FCRL2: variants seen among roughly 807,000 people sequenced by gnomAD.
The protein encoded by FCRL2 is Fc receptor like 2.
Under a neutral mutation model 59.8 loss-of-function variants are expected in FCRL2, and 48 were observed. That is an observed-to-expected ratio of 0.80 (90% CI 0.64 to 1.02). The LOEUF is 1.02. FCRL2 is among the 50% of genes least tolerant of loss of function. The pLI is 0.00. For synonymous variants in FCRL2, 251 were observed against 229.5 expected, an observed-to-expected ratio of 1.09 and a Z score of -0.85; for missense variants, 658 against 597.3, an observed-to-expected ratio of 1.10 and a Z score of -1.06.
chr1:157,764,431 A>G (rs1212029056), intron 7 of FCRL2, among the ~76,000 whole-genome samples: 1 of 152,224 alleles, frequency 6.6e-6, no homozygotes, highest in Non-Finnish European at 1.5e-5. Flanking sequence ...TAGTAAATCA[A>G]CAAAGAAACA....
chr1:157,751,371 A>G (rs1028104879), intron 7 of FCRL2, among the ~76,000 whole-genome samples: 5 of 152,186 alleles, frequency 3.3e-5, no homozygotes, highest in Non-Finnish European at 7.3e-5. Flanking sequence ...AGAATTTACA[A>G]TTGCAAGTTT....
intron 2 of FCRL2, among the ~76,000 whole-genome samples, chr1:157,770,918 G>A (rs574996415): frequency 2.0e-5 from 3 of 152,208 alleles, no homozygotes; most frequent in African/African-American, 7.2e-5. Flanking sequence ...AATTCTGGAC[G>A]TTGAAAGTCT....
chr1:157,768,760 G>A lies in FCRL2; in HGVS notation c.596-59C>T, dbSNP rs926774351. The A allele has an allele frequency of 5.5e-6, 8 of 1,467,876 alleles. No individual in the cohort carries two copies. In the African/African-American group the frequency reaches 1.1e-4, roughly 21 times the overall value. The allele number at this position is 1,467,876 out of a possible 1,614,324, so 90.9% of individuals were successfully genotyped here. A position where few individuals can be genotyped will look rare whatever the true frequency, so the allele number is the denominator to read the frequency against. On this transcript the variant is annotated intron_variant, in intron 4 of 11. Transcript: ENST00000361516. ...AAGGGAAACTCTGGGAACAGGGTTT[G>A]ACTGATTCCATTCTCTAATGCAAAA... is the stretch of plus-strand genomic sequence containing the variant.
At chr1:157,757,537 A>G (rs1440138025) in intron 7 of FCRL2, among the ~76,000 whole-genome samples, 1 of 152,242 alleles carries the variant, frequency 6.6e-6, no homozygotes, top group East Asian at 1.9e-4. Context: ...CTCTGCATGT[A>G]CACAAGAAGA....
intron 7 of FCRL2, among the ~76,000 whole-genome samples, chr1:157,749,957 T>C (rs538893226): frequency 6.6e-6 from 1 of 152,354 alleles, no homozygotes; most frequent in African/African-American, 2.4e-5. Flanking sequence ...TTCTATTGTC[T>C]CTTTGTCTAT....
At chr1:157,753,571 C>T (rs1319772862) in intron 7 of FCRL2, among the ~76,000 whole-genome samples, 1 of 152,178 alleles carries the variant, frequency 6.6e-6, no homozygotes, top group East Asian at 1.9e-4. Flanking sequence ...CCTCCCAGTA[C>T]ATTGATGTAT....
chr1:157,747,652 C>T (rs1266219360), intron 10 of FCRL2, among the ~76,000 whole-genome samples: 1 of 152,110 alleles, frequency 6.6e-6, no homozygotes, highest in Non-Finnish European at 1.5e-5. Context: ...TCAGAGGCAA[C>T]CAGGAGTACA....
intron 9 of FCRL2, 107 bp downstream of exon 9, chr1:157,748,768 G>A: frequency 2.5e-6 from 3 of 1,183,308 alleles, no homozygotes; most frequent in Admixed American, 1.9e-5. Flanking sequence ...GGAATGGCTG[G>A]GCCTCTGGTG....
intron 1 of FCRL2, 62 bp downstream of exon 1, chr1:157,776,981 T>G: frequency 6.6e-7 from 1 of 1,513,088 alleles, no homozygotes; most frequent in Non-Finnish European, 9.2e-7. Context: ...CCTCCAACCT[T>G]TTGGGAGCAG....
At chr1:157,759,513 A>G (rs1648863983) in intron 7 of FCRL2, among the ~76,000 whole-genome samples, 1 of 152,232 alleles carries the variant, frequency 6.6e-6, no homozygotes, top group African/African-American at 2.4e-5. Context: ...TAAACAATCT[A>G]TAGAATGGAA....
At chr1:157,771,454 G>A (rs1297711125) in intron 2 of FCRL2, among the ~76,000 whole-genome samples, 2 of 152,180 alleles carry the variant, frequency 1.3e-5, no homozygotes, top group Admixed American at 6.5e-5. Context: ...GCCTGTTACT[G>A]GAATAAGATC....
intron 8 of FCRL2, 35 bp downstream of exon 8, chr1:157,749,615 C>T (rs1648028658): frequency 2.6e-6 from 4 of 1,555,102 alleles, no homozygotes; most frequent in Non-Finnish European, 3.5e-6. Flanking sequence ...AAGGAGACCT[C>T]TAGAATTAAA....
At chr1:157,768,021 C>T (rs1430615759) in intron 5 of FCRL2, 1 of 239,844 alleles carries the variant, frequency 4.2e-6, no homozygotes, top group East Asian at 9.4e-5. Flanking sequence ...CCAAATGTCT[C>T]CCTTTGGGTG....
intron 7 of FCRL2, among the ~76,000 whole-genome samples, chr1:157,756,565 T>C (rs1268983477): frequency 2.0e-5 from 3 of 151,690 alleles, no homozygotes. Context: ...TGTGGTCCCA[T>C]CTACTTGGGA....
chr1:157,762,248 C>G (rs1649154956), intron 7 of FCRL2, among the ~76,000 whole-genome samples: 1 of 152,186 alleles, frequency 6.6e-6, no homozygotes, highest in African/African-American at 2.4e-5. Flanking sequence ...GGAGTCTGAC[C>G]TGCCCAGCCT....
In FCRL2 at chr1:157,748,824, C is replaced by T. The variant is rs763971900; in HGVS notation, c.1393+51G>A. On this transcript the variant is annotated intron_variant, in intron 9 of 11. Transcript: ENST00000361516. ...ACCTAATGGTCTCCGCTCCTGTCTC[C>T]TCTTTCTTTTCTGACTCAGCCTCAG... 3.8e-6 allele frequency: 6 copies of T among 1,564,632 alleles called. No individual in the cohort carries two copies. The African/African-American group carries it at 4.1e-5, about 11-fold the overall frequency.
chr1:157,753,441 T>C (rs1266848750), intron 7 of FCRL2, among the ~76,000 whole-genome samples: 3 of 152,224 alleles, frequency 2.0e-5, no homozygotes, highest in Non-Finnish European at 4.4e-5. Context: ...TACTGGTTTA[T>C]TACAAAGGAT....
intron 10 of FCRL2, among the ~76,000 whole-genome samples, chr1:157,748,297 G>A (rs967324133): frequency 6.6e-6 from 1 of 152,064 alleles, no homozygotes; most frequent in South Asian, 2.1e-4. Context: ...TCTCATCCCA[G>A]CTACTCAGGA....
At chr1:157,765,394 C>A (rs986901415) in intron 7 of FCRL2, among the ~76,000 whole-genome samples, 1 of 152,164 alleles carries the variant, frequency 6.6e-6, no homozygotes, top group Non-Finnish European at 1.5e-5. Flanking sequence ...CCTCCTCAAA[C>A]CATTCCAAAA....
Sources: gnomAD v4.1 joint callset for allele counts (sites outside exome capture counted in the v4.1 genomes callset) on GRCh38, gnomAD v4.1.1 for gene constraint, MANE v1.5 for transcripts, NCBI Gene and HGNC (gene_info 2026-07-23, HGNC 2026-07-21) for gene names.